ARL15: variants seen among roughly 807,000 people sequenced by gnomAD.
ARL15 encodes ADP-ribosylation factor-like protein 15.
A neutral mutation model predicts 25.2 loss-of-function variants in ARL15; 19 were observed. That is an observed-to-expected ratio of 0.75 (90% CI 0.53 to 1.10). ARL15 has a LOEUF of 1.10. Among genes scored for constraint, ARL15 ranks in the 50% least tolerant of loss-of-function variants. ARL15 has a pLI of 0.00. For synonymous variants in ARL15, 94 were observed against 86.8 expected, an observed-to-expected ratio of 1.08 and a Z score of -0.46; for missense variants, 220 against 246.0, an observed-to-expected ratio of 0.89 and a Z score of 0.71.
chr5:54,058,018 T>TTTTA (rs1377509292), intron 4 of ARL15, among the ~76,000 whole-genome samples: 1 of 151,182 alleles, frequency 6.6e-6, no homozygotes, highest in African/African-American at 2.4e-5. Flanking sequence ...ATTTATTTAT[T>TTTTA]TTTTTTGACA....
In ARL15 at chr5:53,942,620, C is replaced by T. The variant is rs1419372202; in HGVS notation, c.463-55907G>A. Among the ~76,000 whole-genome samples the T allele has an allele frequency of 2.0e-5, 3 of 152,250 alleles. 1 individual carries two copies. Among genetic ancestry groups the T allele is most frequent in the South Asian group, 4.1e-4 (2 of 4,820 alleles). ...AATTAGCTGGGCATGGTGGCATGCG[C>T]CTGTAATCCCAGCTACTCAGGAGGC... On this transcript the variant is annotated intron_variant, in intron 4 of 4. Coordinates refer to ENST00000504924, the MANE Select transcript of ARL15 (RefSeq NM_019087.3).
intron 1 of ARL15, among the ~76,000 whole-genome samples, chr5:54,186,085 ACTGGT>A (rs1160944): frequency 0.18 from 27,902 of 152,000 alleles, 3,177 homozygotes; most frequent in Admixed American, 0.3. Context: ...TTCAAGAATT[ACTGGT>A]CTATTCTAAC....
At chr5:54,062,146 C>T (rs1481245824) in intron 4 of ARL15, among the ~76,000 whole-genome samples, 1 of 152,184 alleles carries the variant, frequency 6.6e-6, no homozygotes, top group Non-Finnish European at 1.5e-5. Flanking sequence ...TGTATTTACC[C>T]AATGCCTGTA....
intron 4 of ARL15, among the ~76,000 whole-genome samples, chr5:54,016,905 T>A (rs1296490424): frequency 6.6e-6 from 1 of 152,206 alleles, no homozygotes; most frequent in Non-Finnish European, 1.5e-5. Flanking sequence ...TAAAACAAAT[T>A]TTTGAGAACG....
At chr5:54,021,331 A>G (rs1016320877) in intron 4 of ARL15, among the ~76,000 whole-genome samples, 1 of 152,208 alleles carries the variant, frequency 6.6e-6, no homozygotes, top group Admixed American at 6.5e-5. Context: ...GTGAAACTCC[A>G]TTTCAAAAAA....
chr5:54,032,230 T>C (rs79249219), intron 4 of ARL15, among the ~76,000 whole-genome samples: 2,095 of 152,080 alleles, frequency 0.014, 54 homozygotes, highest in African/African-American at 0.048. Context: ...GGTTTTTTTA[T>C]TCTTCTTCTT....
intron 4 of ARL15, among the ~76,000 whole-genome samples, chr5:54,091,598 A>C (rs1028696311): frequency 6.6e-6 from 1 of 152,108 alleles, no homozygotes; most frequent in Non-Finnish European, 1.5e-5. Flanking sequence ...CTTCTCCTGG[A>C]CCAGTAAAAC....
rs80058292 is a variant in ARL15, at chr5:53,912,601, T to C, written c.463-25888A>G. 3.2e-3 allele frequency among the ~76,000 whole-genome samples: 483 copies of C among 152,258 alleles called. 4 individuals are homozygous for C. The highest frequency in any genetic ancestry group is 0.011 in the African/African-American group (458 of 41,524). On this transcript the variant is annotated intron_variant, in intron 4 of 4. Transcript: ENST00000504924. ...GTTTTTATATTTCTCCACCATAATC[T>C]TGCAGCACCCCCTCCTCCAAAGGGC... is the stretch of plus-strand genomic sequence containing the variant.
At chr5:53,977,223 G>A (rs546168602) in intron 4 of ARL15, among the ~76,000 whole-genome samples, 24 of 152,152 alleles carry the variant, frequency 1.6e-4, no homozygotes, top group South Asian at 8.3e-4. Context: ...CGGGCGTGGT[G>A]GCGGGCGCCT....
chr5:53,911,078 C>T (rs1049389776), intron 4 of ARL15, among the ~76,000 whole-genome samples: 4 of 152,108 alleles, frequency 2.6e-5, no homozygotes, highest in African/African-American at 4.8e-5. Context: ...ACAGAATACA[C>T]GAAGCTTCAT....
chr5:54,069,816 G>A (rs1751364651), intron 4 of ARL15, among the ~76,000 whole-genome samples: 1 of 151,424 alleles, frequency 6.6e-6, no homozygotes, highest in African/African-American at 2.4e-5. Context: ...TGAAATTACA[G>A]GCATTCACCA....
chr5:53,969,512 G>T (rs868791407), intron 4 of ARL15, among the ~76,000 whole-genome samples: 7 of 152,160 alleles, frequency 4.6e-5, no homozygotes, highest in African/African-American at 1.7e-4. Flanking sequence ...TTTGCCAGGA[G>T]CAAAATGCAG....
At chr5:54,197,183 T>C (rs772389278) in intron 1 of ARL15, among the ~76,000 whole-genome samples, 25 of 152,118 alleles carry the variant, frequency 1.6e-4, no homozygotes, top group Admixed American at 1.4e-3. Flanking sequence ...AGAGTCCAAA[T>C]TGTTTGAACA....
chr5:53,937,814 C>T (rs1260528725), intron 4 of ARL15, among the ~76,000 whole-genome samples: 1 of 138,722 alleles, frequency 7.2e-6, no homozygotes, highest in Non-Finnish European at 1.6e-5. Context: ...CAGGGGTACA[C>T]TATGAAATGG....
chr5:54,186,153 C>T (rs892558520), intron 1 of ARL15, among the ~76,000 whole-genome samples: 2 of 152,170 alleles, frequency 1.3e-5, no homozygotes, highest in African/African-American at 2.4e-5. Context: ...TAGACAAAAG[C>T]ATAACAGAGC....
chr5:54,006,428 A>ATT (rs397729053), intron 4 of ARL15, among the ~76,000 whole-genome samples: 2,813 of 148,504 alleles, frequency 0.019, 101 homozygotes, highest in African/African-American at 0.064. Context: ...AACAAAAAAG[A>ATT]TTTTTTTTTT....
intron 1 of ARL15, among the ~76,000 whole-genome samples, chr5:54,214,135 T>A (rs1022369573): frequency 3.3e-5 from 5 of 152,046 alleles, no homozygotes; most frequent in Admixed American, 3.3e-4. Context: ...GAAGGGGGCT[T>A]GATAGAAGGA....
chr5:54,250,766 G>C (rs1757218741), intron 1 of ARL15, among the ~76,000 whole-genome samples: 1 of 152,092 alleles, frequency 6.6e-6, no homozygotes, highest in African/African-American at 2.4e-5. Context: ...AACCATGTTG[G>C]CTGTGAAACT....
At chr5:53,966,331 C>T (rs1469778700) in intron 4 of ARL15, among the ~76,000 whole-genome samples, 1 of 152,168 alleles carries the variant, frequency 6.6e-6, no homozygotes, top group East Asian at 1.9e-4. Flanking sequence ...ACTGAGACTC[C>T]ACGCCCCTTC....
Sources: allele counts gnomAD v4.1 joint callset (sites outside exome capture counted in the v4.1 genomes callset), GRCh38; gene constraint gnomAD v4.1.1; transcripts MANE v1.5; gene names NCBI Gene and HGNC (gene_info 2026-07-23, HGNC 2026-07-21).